Variants in ATP9B observed in about 807,000 individuals in gnomAD.
ATP9B encodes ATPase phospholipid transporting 9B, also known as probable phospholipid-transporting ATPase IIB.
Under a neutral mutation model 146.1 loss-of-function variants are expected in ATP9B, and 110 were observed. The observed-to-expected ratio is 0.75, with a 90% CI of 0.65 to 0.88. The LOEUF is 0.88. Ranked by LOEUF, ATP9B falls within the 40% of genes least tolerant of loss-of-function variation. ATP9B has a pLI of 0.00. For missense variants in ATP9B, 1,499 were observed against 1,496.4 expected (o/e 1.00, Z -0.03); for synonymous variants, 604 against 569.7 (o/e 1.06, Z -0.86).
chr18:79,111,597 T>C (rs543656363), intron 3 of ATP9B, among the ~76,000 whole-genome samples: 1 of 152,344 alleles, frequency 6.6e-6, no homozygotes, highest in African/African-American at 2.4e-5. Context: ...GTTTAAATTA[T>C]TAAATACTCA....
chr18:79,327,664 C>CGTGCTCTCCGTGTTTAGT lies in ATP9B; in HGVS notation c.1774-1465_1774-1464insTTTAGTGTGCTCTCCGTG, dbSNP rs2096761466. ...TGGTTAGCATGCTCTCCGTGTTTAG[C>CGTGCTCTCCGTGTTTAGT]GTGCTCTCCGTGGTTAGCGTGCTCT... On this transcript the variant is annotated intron_variant, in intron 15 of 29. Coordinates refer to ENST00000426216, the MANE Select transcript of ATP9B (RefSeq NM_198531.5). Among the ~76,000 whole-genome samples, 4 of 141,058 alleles carry CGTGCTCTCCGTGTTTAGT rather than the reference C, an allele frequency of 2.8e-5. 1 individual carries two copies. The highest frequency in any genetic ancestry group is 6.1e-5 in the Non-Finnish European group (4 of 65,424). 92.5% of individuals were successfully genotyped at this position (141,058 alleles called of 152,430 possible). A position where few individuals can be genotyped will look rare whatever the true frequency, so the allele number is the denominator to read the frequency against.
intron 9 of ATP9B, among the ~76,000 whole-genome samples, chr18:79,198,293 A>T (rs2095435094): frequency 6.6e-6 from 1 of 152,226 alleles, no homozygotes; most frequent in Non-Finnish European, 1.5e-5. Context: ...AAGAAAACAC[A>T]TTAAAAACAC....
intron 12 of ATP9B, among the ~76,000 whole-genome samples, chr18:79,263,851 G>A (rs1311708980): frequency 6.6e-6 from 1 of 152,206 alleles, no homozygotes; most frequent in African/African-American, 2.4e-5. Flanking sequence ...TTGGGAGGCC[G>A]AGGCGGGTGG....
intron 11 of ATP9B, among the ~76,000 whole-genome samples, chr18:79,242,924 T>G (rs1029327539): frequency 6.6e-6 from 1 of 152,252 alleles, no homozygotes; most frequent in Non-Finnish European, 1.5e-5. Context: ...AAAAGTTTAT[T>G]TAACCATATT....
intron 26 of ATP9B, among the ~76,000 whole-genome samples, chr18:79,364,841 T>C (rs1013217659): frequency 6.6e-6 from 1 of 152,106 alleles, no homozygotes; most frequent in African/African-American, 2.4e-5. Context: ...CTGGGCAATA[T>C]AGTGAGACCG....
chr18:79,084,247 C>T (rs933003826), intron 1 of ATP9B, among the ~76,000 whole-genome samples: 1 of 151,678 alleles, frequency 6.6e-6, no homozygotes, highest in Non-Finnish European at 1.5e-5. Context: ...AAAGTTTGTA[C>T]CCCGTTGGGT....
chr18:79,333,989 T>C (rs1460932755), intron 17 of ATP9B, among the ~76,000 whole-genome samples: 1 of 152,164 alleles, frequency 6.6e-6, no homozygotes, highest in Non-Finnish European at 1.5e-5. Context: ...TTCGGGACCT[T>C]CCAGAGCACA....
chr18:79,215,255 A>G (rs1376685159), intron 11 of ATP9B, among the ~76,000 whole-genome samples: 2 of 152,052 alleles, frequency 1.3e-5, no homozygotes, highest in African/African-American at 2.4e-5. Flanking sequence ...CATATCACCA[A>G]CCCTATAAAG....
rs141384028 is a variant in ATP9B at position 79,069,458 on chromosome 18, C to T, written c.48C>T (p.Ala16=). ...PLYPVRSAAA[A]AANRKRAAYY... Reference sequence around the variant, plus strand: ...ACCCGGTGCGTAGCGCAGCGGCGGCCGCAGCCAACCGCAAACGCGCGGCCT... The same window carrying T: ...ACCCGGTGCGTAGCGCAGCGGCGGCTGCAGCCAACCGCAAACGCGCGGCCT... Residue 16 remains alanine (A), a synonymous_variant, in exon 1 of 30, where the codon GCC becomes GCT. Transcript: ENST00000426216. 2.4e-4 allele frequency: 363 copies of T among 1,507,650 alleles called. 1 individual carries two copies. In the African/African-American group the frequency reaches 4.8e-3, roughly 20 times the overall value. 93.4% of individuals were successfully genotyped at this position (1,507,650 alleles called of 1,614,324 possible).
intron 9 of ATP9B, chr18:79,194,618 TA>T (rs1252651003): frequency 6.6e-6 from 1 of 152,222 alleles, no homozygotes; most frequent in Non-Finnish European, 1.5e-5. Flanking sequence ...GATGCATTCA[TA>T]AATTCTGATT....
intron 25 of ATP9B, among the ~76,000 whole-genome samples, chr18:79,358,769 CTG>C: frequency 1.0e-5 from 1 of 98,694 alleles, no homozygotes; most frequent in Non-Finnish European, 2.1e-5. Context: ...CTGGAGGTGT[CTG>C]TGTGAGGGGT....
At chr18:79,084,250 C>T (rs562403098) in intron 1 of ATP9B, among the ~76,000 whole-genome samples, 7 of 152,072 alleles carry the variant, frequency 4.6e-5, no homozygotes, top group South Asian at 2.1e-4. Context: ...GTTTGTACCC[C>T]GTTGGGTACC....
At chr18:79,364,721 C>G (rs2097015947) in intron 26 of ATP9B, among the ~76,000 whole-genome samples, 1 of 152,168 alleles carries the variant, frequency 6.6e-6, no homozygotes, top group African/African-American at 2.4e-5. Context: ...TTAGACTTTA[C>G]CATAATTTAA....
chr18:79,315,092 A>G (rs142314853), intron 15 of ATP9B, among the ~76,000 whole-genome samples: 8 of 152,338 alleles, frequency 5.3e-5, no homozygotes, highest in South Asian at 2.1e-4. Context: ...CCGTATTTAA[A>G]TAGTATTTCA....
chr18:79,260,457 A>G lies in ATP9B; in HGVS notation c.1268+6916A>G, dbSNP rs374175350. On this transcript the variant is annotated intron_variant, in intron 12 of 29. Coordinates refer to ENST00000426216, the MANE Select transcript of ATP9B (RefSeq NM_198531.5). ...TGGGGACACAGAGCCAGACCATTTC[A>G]GGGGCTGACTAAAGGATCTACTCAG... 1.1e-4 allele frequency among the ~76,000 whole-genome samples: 16 copies of G among 152,300 alleles called. No individual in the cohort carries two copies. The East Asian group carries it at 2.1e-3, about 20-fold the overall frequency.
chr18:79,094,563 T>C (rs1407157130), intron 1 of ATP9B, among the ~76,000 whole-genome samples: 1 of 152,114 alleles, frequency 6.6e-6, no homozygotes, highest in Non-Finnish European at 1.5e-5. Flanking sequence ...AGAAGGTGAC[T>C]ACAGTGTAGC....
chr18:79,206,042 G>T (rs528123727), intron 9 of ATP9B, among the ~76,000 whole-genome samples: 2 of 151,480 alleles, frequency 1.3e-5, no homozygotes, highest in African/African-American at 2.4e-5. Flanking sequence ...CCGGGTTCAC[G>T]CCATTCTCCT....
In ATP9B at chr18:79,263,302, G is replaced by A. The variant is rs536269722; in HGVS notation, c.1268+9761G>A. Among the ~76,000 whole-genome samples the A allele has an allele frequency of 4.6e-5, 7 of 152,266 alleles. 1 individual carries two copies. The East Asian group carries it at 1.2e-3, about 25-fold the overall frequency. On this transcript the variant is annotated intron_variant, in intron 12 of 29. Transcript: ENST00000426216. The stretch of plus-strand genomic sequence containing the variant: ...AACGCATGTGTACCCAAGTCCCACA[G>A]TGGGCCCTGCAAAACCTACCCGTGG...
intron 7 of ATP9B, among the ~76,000 whole-genome samples, chr18:79,170,120 G>A (rs2095047317): frequency 1.3e-5 from 2 of 152,192 alleles, no homozygotes; most frequent in African/African-American, 4.8e-5. Context: ...GCTCTGTTCT[G>A]GCTGACCTTG....
Sources: gnomAD v4.1 joint callset for allele counts (sites outside exome capture counted in the v4.1 genomes callset) on GRCh38, gnomAD v4.1.1 for gene constraint, MANE v1.5 for transcripts, NCBI Gene and HGNC (gene_info 2026-07-23, HGNC 2026-07-21) for gene names.